MYH2: variants seen among roughly 807,000 people sequenced by gnomAD.
MYH2 encodes myosin-2.
In MYH2, 139 loss-of-function variants were observed where a neutral mutation model predicts 228.1. The ratio of observed to expected loss-of-function variants is 0.61; its 90% CI spans 0.53 to 0.70. MYH2 has a LOEUF of 0.70. Among genes scored for constraint, MYH2 ranks in the 30% least tolerant of loss-of-function variants. The pLI is 0.00. For missense variants in MYH2, 1,809 were observed against 2,357.5 expected (o/e 0.77, Z 4.82); for synonymous variants, 796 against 871.1 (o/e 0.91, Z 1.52).
Position 10,547,711 on chromosome 17 carries a change from A to C in MYH2, c.204+6T>G. Reference sequence around the variant, plus strand: ...AAATGTGGCAAGCTCCTGGGATTCTACTCACCGCTCCTCCCTCAGTCTTCA... The same window carrying C: ...AAATGTGGCAAGCTCCTGGGATTCTCCTCACCGCTCCTCCCTCAGTCTTCA... On this transcript the variant is annotated splice_donor_region_variant and intron_variant, in intron 3 of 39. Coordinates refer to ENST00000245503, the MANE Select transcript of MYH2 (RefSeq NM_017534.6). 6.2e-7 allele frequency: 1 copy of C among 1,614,084 alleles called. No individual in the cohort carries two copies. Among genetic ancestry groups the C allele is most frequent in the Non-Finnish European group, 8.5e-7 (1 of 1,180,010 alleles).
rs868525412 is a variant in MYH2, at chr17:10,523,960, T to A, written c.5176-76A>T. On this transcript the variant is annotated intron_variant, in intron 35 of 39. Transcript: ENST00000245503. ...ATTGGTAACCACTTCTTGAAAAAAA[T>A]TCAGATAAAAATTTGCAAGTCAAAA... The A allele has an allele frequency of 7.3e-5, 109 of 1,489,998 alleles. No individual in the cohort carries two copies. The Middle Eastern group carries it at 5.1e-3, about 70-fold the overall frequency. 92.3% of individuals were successfully genotyped at this position (1,489,998 alleles called of 1,614,324 possible).
Position 10,526,671 on chromosome 17 carries a change from G to A in MYH2, c.4115C>T (p.Thr1372Ile), listed in dbSNP as rs1042075. The A allele has an allele frequency of 1.2e-6, 2 of 1,614,046 alleles. No homozygotes were observed. The highest frequency in any genetic ancestry group is 1.3e-5 in the African/African-American group (1 of 75,044). Reference protein sequence around the residue: ...ELQRALSKANTEVAQWRTKYE... With the variant: ...ELQRALSKANIEVAQWRTKYE... ...TTTGGTCCTCCATTGGGCAACCTCGGTGTTGGCCTTGGACAGTGCTCTCTG... is the reference window on the plus strand; with the variant it reads ...TTTGGTCCTCCATTGGGCAACCTCGATGTTGGCCTTGGACAGTGCTCTCTG... Residue 1372 changes from threonine to isoleucine, a missense_variant, in exon 30 of 40, where the codon ACC (threonine) becomes ATC (isoleucine). Physicochemically the swap from Thr to Ile is moderately conservative, Grantham distance 89. This residue lies in a region of MYH2 where 636 missense variants were observed against 729.9 expected (regional missense o/e 0.87). Transcript: ENST00000245503.
chr17:10,541,155 G>A (rs182247985), intron 10 of MYH2, among the ~76,000 whole-genome samples: 173 of 152,328 alleles, frequency 1.1e-3, no homozygotes, highest in Admixed American at 2.7e-3. Context: ...AAAAAGAACA[G>A]GATAACAGCG....
chr17:10,547,432 T>C (rs2073649105), intron 4 of MYH2, 43 bp downstream of exon 4: 1 of 1,611,118 alleles, frequency 6.2e-7, no homozygotes, highest in South Asian at 1.1e-5. Flanking sequence ...GATGGTAGGG[T>C]ACATGAGGAT....
chr17:10,543,051 T>C, intron 9 of MYH2, 47 bp downstream of exon 9: 5 of 1,592,530 alleles, frequency 3.1e-6, no homozygotes, highest in Non-Finnish European at 4.3e-6. Context: ...GTCAGTTTTT[T>C]AGGTCATATG....
At position 10,524,616 on chromosome 17, in the gene MYH2, T is replaced by G. The variant is rs374743981; in HGVS notation, c.5025A>C (p.Glu1675Asp). 12 of 1,614,096 alleles carry G rather than the reference T, an allele frequency of 7.4e-6. No homozygotes were observed. In the African/African-American group the frequency reaches 1.1e-4, roughly 14 times the overall value. ...DALRSQEDLK[E>D]QLAMVERRAN... ...CTCTGCGCTCCACCATGGCCAGCTG[T>G]TCCTTCAGGTCCTCCTGGCTCCGGA... is the stretch of plus-strand genomic sequence containing the variant. Residue 1675 changes from glutamate to aspartate, a missense_variant, in exon 35 of 40, where the codon GAA (glutamate) becomes GAC (aspartate). Physicochemically the swap from Glu to Asp is conservative, Grantham distance 45 (BLOSUM62 2). Around this residue, in one of 9 missense-constraint regions of MYH2, gnomAD observed 75 missense variants for 131.2 expected, o/e 0.57. Coordinates refer to ENST00000245503, the MANE Select transcript of MYH2 (RefSeq NM_017534.6). This position sits in a 1 kb window ranked among gnomAD's most constrained non-coding sequence, Gnocchi z 4.7.
chr17:10,542,633 C>A (rs1489315315), intron 10 of MYH2, among the ~76,000 whole-genome samples: 3 of 152,056 alleles, frequency 2.0e-5, no homozygotes, highest in African/African-American at 7.2e-5. Flanking sequence ...GATATTCATC[C>A]AAGTGTTCAT....
chr17:10,537,082 T>A lies in MYH2; in HGVS notation c.1897+151A>T. The A allele has an allele frequency of 9.5e-7, 1 of 1,057,898 alleles. No individual in the cohort carries two copies. Among genetic ancestry groups the A allele is most frequent in the Non-Finnish European group, 1.4e-6 (1 of 696,414 alleles). The allele number at this position is 1,057,898 out of a possible 1,614,324, so 65.5% of individuals were successfully genotyped here. A position where few individuals can be genotyped will look rare whatever the true frequency, so the allele number is the denominator to read the frequency against. ...TGTCAGCAGTGGAGTGAGCCACAAA[T>A]GTATAATTACAAGGCTGCCTATCTA... is the stretch of plus-strand genomic sequence containing the variant. On this transcript the variant is annotated intron_variant, in intron 16 of 39. Transcript: ENST00000245503. This position sits in a 1 kb window ranked among gnomAD's most constrained non-coding sequence, Gnocchi z 4.0.
chr17:10,527,863 C>A lies in MYH2; in HGVS notation c.3756G>T (p.Glu1252Asp). The change falls in exon 28 of 40, where the codon GAG (glutamate) becomes GAT (aspartate). Residue 1252 changes from glutamate to aspartate, a missense_variant. Glu to Asp is a conservative substitution (Grantham distance 45). Coordinates refer to ENST00000245503, the MANE Select transcript of MYH2 (RefSeq NM_017534.6). ...GGTCCTCTAGAGTCCGGCACATTTT[C>A]TCTAGGTTTCCCTATAGAAGAAAAA... Reference protein sequence around the residue: ...ETVSKAKGNLEKMCRTLEDQL... With the variant: ...ETVSKAKGNLDKMCRTLEDQL... The A allele has an allele frequency of 1.2e-6, 2 of 1,613,524 alleles. No individual in the cohort carries two copies. Among genetic ancestry groups the A allele is most frequent in the Middle Eastern group, 1.7e-4 (1 of 5,910 alleles).
intron 30 of MYH2, among the ~76,000 whole-genome samples, chr17:10,526,137 T>G (rs1333999232): frequency 6.6e-6 from 1 of 152,174 alleles, no homozygotes; most frequent in Non-Finnish European, 1.5e-5. Flanking sequence ...ACATCCGTAA[T>G]AATACCTTAC....
intron 22 of MYH2, among the ~76,000 whole-genome samples, chr17:10,530,417 G>T (rs1214199783): frequency 1.3e-5 from 2 of 152,180 alleles, no homozygotes; most frequent in Non-Finnish European, 1.5e-5. Flanking sequence ...TGTTTGATTT[G>T]GGCCTTGAGA....
Position 10,525,061 on chromosome 17 carries a change from G to A in MYH2, c.4667C>T (p.Ser1556Phe). ...GATCTTTCCCTCTTCATGTTCAAGA[G>A]ATGCCTTAATGACAGCAAGAGGTGA... is the stretch of plus-strand genomic sequence containing the variant. ...LQAALEEAEA[S>F]LEHEEGKILR... is the part of the protein sequence containing the mutation. The change falls in exon 34 of 40, where the codon TCT becomes TTT. Residue 1556 changes from serine to phenylalanine, a missense_variant. Coordinates refer to ENST00000245503, the MANE Select transcript of MYH2 (RefSeq NM_017534.6). This position sits in a 1 kb window ranked among gnomAD's most constrained non-coding sequence, Gnocchi z 4.2. 1 of 1,614,098 alleles carries A rather than the reference G, an allele frequency of 6.2e-7. No individual in the cohort carries two copies. Among genetic ancestry groups the A allele is most frequent in the Non-Finnish European group, 8.5e-7 (1 of 1,180,018 alleles).
chr17:10,540,005 C>A lies in MYH2; in HGVS notation c.1070G>T (p.Gly357Val). The change falls in exon 12 of 40, where the codon GGG becomes GTG. Residue 357 changes from glycine (G) to valine (V), a missense_variant. Gly to Val is a moderately radical substitution (Grantham distance 109). This residue lies in a region of MYH2 where 373 missense variants were observed against 620.4 expected (regional missense o/e 0.60). Transcript: ENST00000245503. ...TAGGTTCCCATAATGCATCACAGCC[C>A]CCGTGAGCTTGTAAATGGAGACCTT... is the stretch of plus-strand genomic sequence containing the variant. The part of the protein sequence containing the change: ...EEKVSIYKLT[G>V]AVMHYGNLKF... The A allele has an allele frequency of 6.2e-7, 1 of 1,613,964 alleles. No individual in the cohort carries two copies. Among genetic ancestry groups the A allele is most frequent in the East Asian group, 2.2e-5 (1 of 44,858 alleles).
chr17:10,537,213 T>C lies in MYH2; in HGVS notation c.1897+20A>G. 1 of 1,613,880 alleles carries C rather than the reference T, an allele frequency of 6.2e-7. No homozygotes were observed. The highest frequency in any genetic ancestry group is 8.5e-7 in the Non-Finnish European group (1 of 1,179,756). Reference sequence around the variant, plus strand: ...ACATTTTGTAATACCTAGAGAGTATTATTAACATTTGAGCATTACCTCCTT... The same window carrying C: ...ACATTTTGTAATACCTAGAGAGTATCATTAACATTTGAGCATTACCTCCTT... On this transcript the variant is annotated intron_variant, in intron 16 of 39. Transcript: ENST00000245503. The surrounding 1 kb of genome is among the most constrained non-coding windows in gnomAD (Gnocchi z 4.0).
chr17:10,539,074 G>T, intron 14 of MYH2, 131 bp downstream of exon 14: 1 of 1,526,414 alleles, frequency 6.6e-7, no homozygotes, highest in Non-Finnish European at 9.0e-7. Flanking sequence ...TAACTGACCA[G>T]TTACTCTCTT....
Position 10,537,153 on chromosome 17 carries a change from C to A in MYH2, c.1897+80G>T. ...GGGGCTTGGTCTGCAACCCTTCTGC[C>A]AGACCTAAGAGATCACTAGCTTCAA... On this transcript the variant is annotated intron_variant, in intron 16 of 39. Coordinates refer to ENST00000245503, the MANE Select transcript of MYH2 (RefSeq NM_017534.6). This position sits in a 1 kb window ranked among gnomAD's most constrained non-coding sequence, Gnocchi z 4.0. 1 of 1,586,888 alleles carries A rather than the reference C, an allele frequency of 6.3e-7. No homozygotes were observed.
In MYH2 at chr17:10,524,916, C is replaced by G. The variant is rs781155016; in HGVS notation, c.4812G>C (p.Gln1604His). 3.7e-6 allele frequency: 6 copies of G among 1,614,028 alleles called. No individual in the cohort carries two copies. The African/African-American group carries it at 5.3e-5, about 14-fold the overall frequency. The change falls in exon 34 of 40, where the codon CAG (glutamine) becomes CAC (histidine). Residue 1604 changes from glutamine to histidine, a missense_variant. This residue lies in a region of MYH2 where 75 missense variants were observed against 131.2 expected (regional missense o/e 0.57). Coordinates refer to ENST00000245503, the MANE Select transcript of MYH2 (RefSeq NM_017534.6). This position sits in a 1 kb window ranked among gnomAD's most constrained non-coding sequence, Gnocchi z 4.7. ...TCCTGATCTCAGCATCCAGCGTGCTCTGCATGGACTCCACGATTCTAATGT... is the reference window on the plus strand; with the variant it reads ...TCCTGATCTCAGCATCCAGCGTGCTGTGCATGGACTCCACGATTCTAATGT... ...RNHIRIVESM[Q>H]STLDAEIRSR...
chr17:10,543,509 T>C (rs2073585067), intron 8 of MYH2, among the ~76,000 whole-genome samples: 1 of 135,156 alleles, frequency 7.4e-6, no homozygotes, highest in African/African-American at 2.8e-5. Context: ...GTGTAGATCA[T>C]GACAGATAAG....
intron 10 of MYH2, among the ~76,000 whole-genome samples, chr17:10,541,081 G>A (rs375416562): frequency 5.3e-4 from 81 of 152,120 alleles, no homozygotes; most frequent in Admixed American, 2.1e-3. Flanking sequence ...TGATGACTGC[G>A]TTAACTGCAC....
Sources: gnomAD v4.1 joint callset for allele counts (sites outside exome capture counted in the v4.1 genomes callset) on GRCh38, gnomAD v4.1.1 for gene constraint, gnomAD v4.1.1 regional missense constraint, Gnocchi (gnomAD v3.1) non-coding constraint, MANE v1.5 for transcripts, NCBI Gene and HGNC (gene_info 2026-07-23, HGNC 2026-07-21) for gene names.